TAFA4: variants seen among roughly 807,000 people sequenced by gnomAD.
The protein encoded by TAFA4 is TAFA chemokine like family member 4, also known as chemokine-like protein TAFA-4.
Under a neutral mutation model 21.1 loss-of-function variants are expected in TAFA4, and 20 were observed. That is an observed-to-expected ratio of 0.95 (90% confidence interval 0.67 to 1.38). The LOEUF (loss-of-function observed/expected upper bound fraction) is 1.38. Ranked by LOEUF, TAFA4 falls within the 40% of genes most tolerant of loss-of-function variation. The pLI is 0.00. For synonymous variants in TAFA4, 71 were observed against 67.4 expected (o/e 1.05, Z -0.26); for missense variants, 211 against 180.9 (o/e 1.17, Z -0.95).
intron 3 of TAFA4, among the ~76,000 whole-genome samples, chr3:68,757,012 G>A (rs1018372263): frequency 2.0e-5 from 3 of 152,114 alleles, no homozygotes; most frequent in African/African-American, 7.2e-5. Flanking sequence ...CCATGAGCAG[G>A]GGCCAGGATG....
At chr3:68,873,104 A>T (rs1057092046) in intron 3 of TAFA4, among the ~76,000 whole-genome samples, 6 of 152,000 alleles carry the variant, frequency 3.9e-5, no homozygotes, top group African/African-American at 1.5e-4. Flanking sequence ...TAGGGTTCAA[A>T]CTTAGGTCTC....
chr3:68,734,534 G>A (rs920921728), intron 5 of TAFA4, among the ~76,000 whole-genome samples: 2 of 152,052 alleles, frequency 1.3e-5, no homozygotes, highest in African/African-American at 4.8e-5. Context: ...AAGAGATGAG[G>A]AATGCATGGC....
At chr3:68,808,745 T>C (rs568658825) in intron 3 of TAFA4, among the ~76,000 whole-genome samples, 7 of 152,188 alleles carry the variant, frequency 4.6e-5, no homozygotes, top group African/African-American at 7.2e-5. Flanking sequence ...GCAGTCAGAA[T>C]AGGTTAAGTT....
chr3:68,921,236 A>G (rs1027463433), intron 1 of TAFA4, among the ~76,000 whole-genome samples: 2 of 152,146 alleles, frequency 1.3e-5, no homozygotes, highest in Non-Finnish European at 2.9e-5. Flanking sequence ...GAAGGAGGTT[A>G]AATGACTCTG....
intron 3 of TAFA4, among the ~76,000 whole-genome samples, chr3:68,832,187 G>A (rs915314618): frequency 1.8e-4 from 27 of 152,124 alleles, no homozygotes; most frequent in African/African-American, 3.6e-4. Context: ...CTGTCAACTC[G>A]TCAAACTCAT....
intron 3 of TAFA4, among the ~76,000 whole-genome samples, chr3:68,863,181 T>C (rs2106926090): frequency 6.6e-6 from 1 of 152,004 alleles, no homozygotes; most frequent in Middle Eastern, 3.4e-3. Context: ...AGGTGGGGGT[T>C]GCAGTGAGCT....
intron 3 of TAFA4, among the ~76,000 whole-genome samples, chr3:68,832,859 G>A (rs775235150): frequency 2.6e-5 from 4 of 152,198 alleles, no homozygotes; most frequent in African/African-American, 4.8e-5. Context: ...AAGCTTCCCC[G>A]ACACTTTGTT....
At chr3:68,826,708 G>A (rs1190433199) in intron 3 of TAFA4, among the ~76,000 whole-genome samples, 1 of 152,106 alleles carries the variant, frequency 6.6e-6, no homozygotes, top group East Asian at 1.9e-4. Context: ...GGCAAGGAAG[G>A]GAAAGAGGAG....
intron 4 of TAFA4, among the ~76,000 whole-genome samples, chr3:68,751,293 G>A (rs1575594910): frequency 1.3e-5 from 2 of 152,156 alleles, no homozygotes; most frequent in South Asian, 4.1e-4. Context: ...TTCAGTATGG[G>A]AGTGACATAA....
At chr3:68,783,634 C>G (rs983594748) in intron 3 of TAFA4, among the ~76,000 whole-genome samples, 3 of 128,636 alleles carry the variant, frequency 2.3e-5, no homozygotes, top group African/African-American at 2.9e-5. Context: ...CCAGAGTTTG[C>G]AAGATAAACT....
chr3:68,808,927 T>C (rs1313841472), intron 3 of TAFA4, among the ~76,000 whole-genome samples: 3 of 152,162 alleles, frequency 2.0e-5, no homozygotes, highest in South Asian at 4.1e-4. Context: ...CTGCTTATCA[T>C]GATAGTAGGA....
At chr3:68,815,248 G>A (rs1261982070) in intron 3 of TAFA4, among the ~76,000 whole-genome samples, 3 of 152,246 alleles carry the variant, frequency 2.0e-5, no homozygotes, top group Admixed American at 1.3e-4. Flanking sequence ...CAGGACATAG[G>A]CATGGGCAAG....
rs533122881 is a variant in TAFA4, at chr3:68,813,888, A to C, written c.131-60870T>G. On this transcript the variant is annotated intron_variant, in intron 3 of 5. Transcript: ENST00000295569. ...AAAAAGAGAATTTTAGACCAATATC[A>C]CTGATGAACATCGAGGCAAAAATCC... 3.0e-4 allele frequency among the ~76,000 whole-genome samples: 46 copies of C among 152,272 alleles called. 1 individual carries two copies. The Middle Eastern group carries it at 0.01, about 34-fold the overall frequency.
rs2089461331 is a variant in TAFA4, at chr3:68,869,719, A to C, written c.130+11011T>G. ...TACAGAAGGAACACACCTCAAAACA[A>C]AAATGGCCATACGTAACAAACCCAC... On this transcript the variant is annotated intron_variant, in intron 3 of 5. Coordinates refer to ENST00000295569, the MANE Select transcript of TAFA4 (RefSeq NM_182522.5). 5.3e-5 allele frequency among the ~76,000 whole-genome samples: 8 copies of C among 152,164 alleles called. No individual in the cohort carries two copies. The South Asian group carries it at 1.7e-3, about 32-fold the overall frequency.
chr3:68,731,799 A>G lies in TAFA4; in HGVS notation c.*1343T>C, dbSNP rs2106713760. On this transcript the variant is annotated 3_prime_UTR_variant, in exon 6 of 6. Coordinates refer to ENST00000295569, the MANE Select transcript of TAFA4 (RefSeq NM_182522.5). ...GCAGGATGAATTTTTTTACTTATTC[A>G]TATGATCATAACAAATATTCAAAAA... 6.6e-6 allele frequency: 1 copy of G among 152,272 alleles called. No individual in the cohort carries two copies. The highest frequency in any genetic ancestry group is 1.9e-4 in the East Asian group (1 of 5,190). The allele number at this position is 152,272 out of a possible 1,614,324, so 9.4% of individuals were successfully genotyped here. A position where few individuals can be genotyped will look rare whatever the true frequency, so the allele number is the denominator to read the frequency against.
At position 68,732,312 on chromosome 3, in the gene TAFA4, GA is replaced by G. The variant is rs1486927367; in HGVS notation, c.*829del. ...TATAATTGGCATAAATTTGATCTAA[GA>G]AATAACCCTTGATCTAAATTGAGAT... is the stretch of plus-strand genomic sequence containing the variant. On this transcript the variant is annotated 3_prime_UTR_variant, in exon 6 of 6. Coordinates refer to ENST00000295569, the MANE Select transcript of TAFA4 (RefSeq NM_182522.5). 16 of 152,388 alleles carry G rather than the reference GA, an allele frequency of 1.0e-4. No homozygotes were observed. The highest frequency in any genetic ancestry group is 3.6e-4 in the African/African-American group (15 of 41,362). The allele number at this position is 152,388 out of a possible 1,614,324, so 9.4% of individuals were successfully genotyped here.
In TAFA4 at chr3:68,918,121, C is replaced by T. The variant is rs559446257; in HGVS notation, c.-123+14119G>A. Among the ~76,000 whole-genome samples the T allele has an allele frequency of 3.6e-5, 4 of 109,994 alleles. No homozygotes were observed. In the East Asian group the frequency reaches 8.9e-4, roughly 24 times the overall value. 72.2% of individuals were successfully genotyped at this position (109,994 alleles called of 152,430 possible). A position where few individuals can be genotyped will look rare whatever the true frequency, so the allele number is the denominator to read the frequency against. The stretch of plus-strand genomic sequence containing the variant: ...TTGAGACTTAAATAATGAGAGGAAG[C>T]CAGACACACATACACACACACACAC... On this transcript the variant is annotated intron_variant, in intron 1 of 5. Transcript: ENST00000295569.
At chr3:68,889,598 T>C (rs1224959761) in intron 1 of TAFA4, among the ~76,000 whole-genome samples, 3 of 152,164 alleles carry the variant, frequency 2.0e-5, no homozygotes, top group Non-Finnish European at 4.4e-5. Flanking sequence ...GGCATCACAT[T>C]TCCCCCATCT....
At chr3:68,750,315 C>T (rs371318806) in intron 4 of TAFA4, among the ~76,000 whole-genome samples, 69 of 152,216 alleles carry the variant, frequency 4.5e-4, no homozygotes, top group East Asian at 1.9e-3. Context: ...AAAGGGAAGA[C>T]GAATGGCTAA....
Sources: allele counts gnomAD v4.1 joint callset (sites outside exome capture counted in the v4.1 genomes callset), GRCh38; gene constraint gnomAD v4.1.1; transcripts MANE v1.5; gene names NCBI Gene and HGNC (gene_info 2026-07-23, HGNC 2026-07-21).